The following KALRN variants were observed in gnomAD, a reference collection of about 807,000 sequenced individuals.
KALRN encodes kalirin.
In KALRN, 70 loss-of-function variants were observed where a neutral mutation model predicts 353.7. The observed-to-expected ratio is 0.20, with a 90% CI of 0.16 to 0.24. KALRN has a LOEUF of 0.24. KALRN is among the 10% of genes least tolerant of loss of function. The pLI, the probability that KALRN is intolerant of heterozygous loss-of-function variation, is 1.00. For missense variants in KALRN, 2,791 were observed against 3,756.7 expected (o/e 0.74, Z 6.72); for synonymous variants, 1,391 against 1,434.8 (o/e 0.97, Z 0.69).
chr3:124,236,672 T>C (rs185644517), intron 3 of KALRN, among the ~76,000 whole-genome samples: 4 of 152,332 alleles, frequency 2.6e-5, no homozygotes, highest in African/African-American at 9.6e-5. Flanking sequence ...TTCTTCATTC[T>C]GACTTGTTAA....
chr3:124,539,100 G>A (rs149615973), intron 33 of KALRN, among the ~76,000 whole-genome samples: 194 of 152,312 alleles, frequency 1.3e-3, no homozygotes, highest in African/African-American at 4.6e-3. Flanking sequence ...TCCCAAAGAT[G>A]CAACTATGGG....
At chr3:124,644,165 A>G (rs1392279073) in intron 37 of KALRN, among the ~76,000 whole-genome samples, 1 of 151,570 alleles carries the variant, frequency 6.6e-6, no homozygotes, top group Non-Finnish European at 1.5e-5. Flanking sequence ...CTACTGTTTT[A>G]TTTTCTATCC....
intron 1 of KALRN, among the ~76,000 whole-genome samples, chr3:124,156,230 C>T (rs1262893789): frequency 1.3e-5 from 2 of 152,138 alleles, no homozygotes; most frequent in African/African-American, 2.4e-5. Context: ...GGGGCTGACC[C>T]GAAAGTCTTG....
intron 5 of KALRN, among the ~76,000 whole-genome samples, chr3:124,285,265 T>G (rs1396785305): frequency 1.3e-5 from 2 of 152,180 alleles, no homozygotes; most frequent in African/African-American, 4.8e-5. Flanking sequence ...TAGTATATCC[T>G]TCTTATCCTT....
intron 48 of KALRN, among the ~76,000 whole-genome samples, chr3:124,672,941 T>G (rs1036864243): frequency 3.3e-5 from 5 of 152,210 alleles, no homozygotes; most frequent in Admixed American, 6.5e-5. Context: ...TAGTTTATAT[T>G]GGTTATATTA....
intron 3 of KALRN, among the ~76,000 whole-genome samples, chr3:124,254,432 A>C (rs2071626413): frequency 6.7e-5 from 1 of 14,944 alleles, no homozygotes. Flanking sequence ...CAAAAAAAAA[A>C]AAAAAAAAAA....
intron 27 of KALRN, among the ~76,000 whole-genome samples, chr3:124,481,951 T>C (rs2062031056): frequency 6.6e-6 from 1 of 152,216 alleles, no homozygotes; most frequent in African/African-American, 2.4e-5. Flanking sequence ...GACTGTAAGC[T>C]TTTTGAGGGG....
intron 1 of KALRN, among the ~76,000 whole-genome samples, chr3:124,054,129 A>G (rs1201512750): frequency 6.6e-6 from 1 of 152,168 alleles, no homozygotes; most frequent in Non-Finnish European, 1.5e-5. Flanking sequence ...GGAAAACCCT[A>G]GGCTGGGTAG....
Position 124,347,135 on chromosome 3 carries a change from T to C in KALRN, c.1648-8T>C, listed in dbSNP as rs1008968632. ...AAGTCATTGTTGCTGTTATCCTTCT[T>C]TGACCAGGTGTTGGACTGGATTGAA... On this transcript the variant is annotated splice_region_variant and splice_polypyrimidine_tract_variant and intron_variant, in intron 9 of 59. Transcript: ENST00000682506. 3.7e-6 allele frequency: 6 copies of C among 1,613,996 alleles called. No individual in the cohort carries two copies. The highest frequency in any genetic ancestry group is 5.1e-6 in the Non-Finnish European group (6 of 1,179,932).
intron 6 of KALRN, among the ~76,000 whole-genome samples, chr3:124,301,926 G>T (rs116228279): frequency 1.7e-3 from 258 of 152,308 alleles, no homozygotes; most frequent in Non-Finnish European, 2.9e-3. Flanking sequence ...TTTTGGTATT[G>T]AATCTTATTT....
At chr3:124,631,186 T>C (rs1242081443) in intron 34 of KALRN, among the ~76,000 whole-genome samples, 1 of 152,228 alleles carries the variant, frequency 6.6e-6, no homozygotes, top group Non-Finnish European at 1.5e-5. Flanking sequence ...GTCTTCCTGC[T>C]TCTGGCTTAG....
intron 13 of KALRN, chr3:124,407,739 A>G (rs1234993092): frequency 6.6e-6 from 1 of 152,248 alleles, no homozygotes; most frequent in Non-Finnish European, 1.5e-5. Context: ...TACAGAGATT[A>G]GCATGGGCCC....
intron 51 of KALRN, among the ~76,000 whole-genome samples, chr3:124,692,248 T>C (rs555118066): frequency 6.6e-5 from 10 of 152,352 alleles, no homozygotes; most frequent in African/African-American, 2.4e-4. Context: ...AGTGGTCTTT[T>C]GAGACTAGCA....
At chr3:124,643,080 G>A (rs975963090) in intron 37 of KALRN, among the ~76,000 whole-genome samples, 7 of 152,046 alleles carry the variant, frequency 4.6e-5, no homozygotes, top group Non-Finnish European at 8.8e-5. Context: ...GCCTCCCAAA[G>A]TGCTGGGATT....
intron 34 of KALRN, among the ~76,000 whole-genome samples, chr3:124,573,830 C>T (rs2110089668): frequency 6.6e-6 from 1 of 152,332 alleles, no homozygotes; most frequent in African/African-American, 2.4e-5. Flanking sequence ...TCATAACTTT[C>T]TTTTGACTTT....
rs77881206 is a variant in KALRN at position 124,067,728 on chromosome 3, G to A, written c.73+33915G>A. ...AGCGAGCAGGAGGGCACAGCAGGTA[G>A]GAGGTGCCTGTTCACAACACACACT... is the stretch of plus-strand genomic sequence containing the variant. On this transcript the variant is annotated intron_variant, in intron 1 of 59. Coordinates refer to ENST00000682506, the MANE Select transcript of KALRN (RefSeq NM_001388419.1). Among the ~76,000 whole-genome samples the A allele has an allele frequency of 2.8e-4, 42 of 152,358 alleles. No homozygotes were observed. The East Asian group carries it at 7.7e-3, about 28-fold the overall frequency.
chr3:124,157,634 G>A (rs1290744243), intron 1 of KALRN, among the ~76,000 whole-genome samples: 2 of 152,138 alleles, frequency 1.3e-5, no homozygotes, highest in Non-Finnish European at 2.9e-5. Context: ...TCATTTGTTT[G>A]CATCCCTTTC....
chr3:124,228,167 G>A (rs1247334721), intron 2 of KALRN, 103 bp downstream of exon 2: 10 of 968,072 alleles, frequency 1.0e-5, no homozygotes, highest in Non-Finnish European at 1.5e-5. Context: ...AAGTAGGGGT[G>A]GGGAAGTTAT....
At chr3:124,132,132 G>A (rs1003278769) in intron 1 of KALRN, among the ~76,000 whole-genome samples, 1 of 152,114 alleles carries the variant, frequency 6.6e-6, no homozygotes, top group African/African-American at 2.4e-5. Flanking sequence ...CATTATTCTG[G>A]AATATTGATT....
Sources: gnomAD v4.1 joint callset for allele counts (sites outside exome capture counted in the v4.1 genomes callset) on GRCh38, gnomAD v4.1.1 for gene constraint, MANE v1.5 for transcripts, NCBI Gene and HGNC (gene_info 2026-07-23, HGNC 2026-07-21) for gene names.